The following CCDC13 variants were observed in gnomAD, a reference collection of about 807,000 sequenced individuals.
The protein encoded by CCDC13 is coiled-coil domain containing 13, also known as coiled-coil domain-containing protein 13.
In CCDC13, 70 loss-of-function variants were observed where a neutral mutation model predicts 87.3. That is an observed-to-expected ratio of 0.80 (90% confidence interval 0.66 to 0.98). The LOEUF is 0.98. CCDC13 is among the 50% of genes least tolerant of loss of function. The probability of loss-of-function intolerance (pLI) is 0.00; values close to 1 mark genes in which losing one functional copy is unlikely to be tolerated. For synonymous variants in CCDC13, 317 were observed against 360.3 expected, an observed-to-expected ratio of 0.88 and a Z score of 1.36; for missense variants, 842 against 892.0, an observed-to-expected ratio of 0.94 and a Z score of 0.71.
intron 1 of CCDC13, among the ~76,000 whole-genome samples, chr3:42,762,859 G>A (rs1699862275): frequency 6.6e-6 from 1 of 152,186 alleles, no homozygotes; most frequent in African/African-American, 2.4e-5. Flanking sequence ...CAAGGTGGAA[G>A]CACAGCTTGA....
At chr3:42,713,672 T>G (rs1328627003) in intron 13 of CCDC13, among the ~76,000 whole-genome samples, 1 of 152,218 alleles carries the variant, frequency 6.6e-6, no homozygotes, top group Non-Finnish European at 1.5e-5. Flanking sequence ...TCTTTTGACT[T>G]CCTGTCATGC....
At chr3:42,769,789 G>A (rs535484053) in intron 1 of CCDC13, among the ~76,000 whole-genome samples, 140 of 152,352 alleles carry the variant, frequency 9.2e-4, no homozygotes, top group African/African-American at 3.3e-3. Flanking sequence ...TGTGGGCTCC[G>A]CAGGCCCACA....
chr3:42,752,049 A>C (rs1222725496), intron 4 of CCDC13, 24 bp from the exon 5 acceptor site: 1 of 1,592,318 alleles, frequency 6.3e-7, no homozygotes, highest in South Asian at 1.1e-5. Context: ...CCTCGTGCTT[A>C]ATACTCTGCT....
chr3:42,708,996 T>G lies in CCDC13; in HGVS notation c.2132A>C (p.Lys711Thr), dbSNP rs569475549. The G allele has an allele frequency of 6.2e-7, 1 of 1,612,392 alleles. No individual in the cohort carries two copies. Among genetic ancestry groups the G allele is most frequent in the South Asian group, 1.1e-5 (1 of 90,740 alleles). ...GCTGTCATCCTATTGCTTGCCTGTC[T>G]TCTGCTGCCGCAGGGCCTGCAGGAA... ...SVFLQALRQQ[K>T]TGKQ is the part of the protein sequence containing the mutation. The change falls in exon 16 of 16, where the codon AAG becomes ACG. Residue 711 changes from lysine to threonine, a missense_variant. Coordinates refer to ENST00000310232, the MANE Select transcript of CCDC13 (RefSeq NM_144719.4).
chr3:42,749,150 C>T (rs1482328696), intron 5 of CCDC13, among the ~76,000 whole-genome samples: 2 of 152,158 alleles, frequency 1.3e-5, no homozygotes, highest in African/African-American at 2.4e-5. Flanking sequence ...CCTGCCTCTT[C>T]TCCTGTTGAA....
At chr3:42,722,067 A>G (rs1171654417) in intron 13 of CCDC13, among the ~76,000 whole-genome samples, 4 of 152,196 alleles carry the variant, frequency 2.6e-5, no homozygotes, top group Non-Finnish European at 5.9e-5. Context: ...TGTGGAATAT[A>G]TTGCTGTTGT....
intron 13 of CCDC13, among the ~76,000 whole-genome samples, chr3:42,728,755 T>C (rs745565026): frequency 6.6e-6 from 1 of 152,132 alleles, no homozygotes; most frequent in African/African-American, 2.4e-5. Context: ...CAGGTGTTGG[T>C]TGATGGGCCT....
chr3:42,759,762 G>A (rs996020039), intron 1 of CCDC13, among the ~76,000 whole-genome samples: 4 of 152,164 alleles, frequency 2.6e-5, no homozygotes, highest in African/African-American at 9.7e-5. Flanking sequence ...GAACATTCAT[G>A]TATAAGAAGG....
At chr3:42,712,718 C>T (rs1253495948) in intron 14 of CCDC13, among the ~76,000 whole-genome samples, 1 of 152,212 alleles carries the variant, frequency 6.6e-6, no homozygotes, top group Non-Finnish European at 1.5e-5. Context: ...GGTCCCCAAA[C>T]CTCTGGTGAG....
At chr3:42,758,433 A>G in intron 1 of CCDC13, 82 bp from the exon 2 acceptor site, 1 of 1,368,696 alleles carries the variant, frequency 7.3e-7, no homozygotes, top group South Asian at 1.3e-5. Flanking sequence ...CTGCAGCCCC[A>G]GCCTTGGAGT....
At chr3:42,724,246 G>A (rs909071718) in intron 13 of CCDC13, among the ~76,000 whole-genome samples, 5 of 152,076 alleles carry the variant, frequency 3.3e-5, no homozygotes, top group Admixed American at 2.0e-4. Flanking sequence ...CCCCTATAAC[G>A]TGCCTTCCAC....
intron 13 of CCDC13, among the ~76,000 whole-genome samples, chr3:42,724,399 C>T (rs1698639754): frequency 6.6e-6 from 1 of 152,214 alleles, no homozygotes; most frequent in Non-Finnish European, 1.5e-5. Context: ...GCACCAAAAC[C>T]AGCTCTTTCT....
chr3:42,739,295 C>T (rs1699134499), intron 9 of CCDC13, among the ~76,000 whole-genome samples: 1 of 152,214 alleles, frequency 6.6e-6, no homozygotes, highest in South Asian at 2.1e-4. Context: ...CTGGTACTGG[C>T]TCCTCTTGTC....
Position 42,720,851 on chromosome 3 carries a change from C to G in CCDC13, c.1719-7535G>C, listed in dbSNP as rs573861230. 4.1e-4 allele frequency among the ~76,000 whole-genome samples: 62 copies of G among 152,260 alleles called. 1 individual carries two copies. Among genetic ancestry groups the G allele is most frequent in the Admixed American group, 3.3e-4 (5 of 15,290 alleles). ...AGGTTTTTCTTAGAGCAAAAACCTGCCTATGATCTCTTTAACAAAAATTTG... is the reference window on the plus strand; with the variant it reads ...AGGTTTTTCTTAGAGCAAAAACCTGGCTATGATCTCTTTAACAAAAATTTG... On this transcript the variant is annotated intron_variant, in intron 13 of 15. Coordinates refer to ENST00000310232, the MANE Select transcript of CCDC13 (RefSeq NM_144719.4).
At chr3:42,771,966 A>G (rs1305922132) in intron 1 of CCDC13, among the ~76,000 whole-genome samples, 1 of 151,938 alleles carries the variant, frequency 6.6e-6, no homozygotes, top group Admixed American at 6.6e-5. Flanking sequence ...CTTTAAGTCT[A>G]TTTTCTTTTA....
chr3:42,715,048 T>G (rs745651010), intron 13 of CCDC13, among the ~76,000 whole-genome samples: 15 of 151,974 alleles, frequency 9.9e-5, no homozygotes, highest in Non-Finnish European at 2.1e-4. Context: ...TCCCAGCACT[T>G]TGGGTGGCCG....
rs1156347095 is a variant in CCDC13, at chr3:42,707,290, C to T, written c.*1690G>A. ...AGCACAGACCCTCTCTCTCCTGGCT[C>T]TCTGCCTGGCCGTTTTCCTTCACAA... On this transcript the variant is annotated 3_prime_UTR_variant, in exon 16 of 16. Transcript: ENST00000310232. Among the ~76,000 whole-genome samples the T allele has an allele frequency of 2.0e-5, 3 of 152,322 alleles. No homozygotes were observed. The East Asian group carries it at 5.8e-4, about 29-fold the overall frequency.
intron 5 of CCDC13, 102 bp downstream of exon 5, chr3:42,751,834 G>A: frequency 9.9e-7 from 1 of 1,015,096 alleles, no homozygotes; most frequent in Non-Finnish European, 1.5e-6. Flanking sequence ...GTTGGGGGTT[G>A]GGGGTGGACC....
At chr3:42,733,942 C>A (rs1164721358) in intron 10 of CCDC13, among the ~76,000 whole-genome samples, 5 of 152,160 alleles carry the variant, frequency 3.3e-5, no homozygotes, top group African/African-American at 1.2e-4. Context: ...CTCCAGGCGG[C>A]CCCACCCACA....
Sources: gnomAD v4.1 joint callset for allele counts (sites outside exome capture counted in the v4.1 genomes callset) on GRCh38, gnomAD v4.1.1 for gene constraint, MANE v1.5 for transcripts, NCBI Gene and HGNC (gene_info 2026-07-23, HGNC 2026-07-21) for gene names.